Variants in SGCZ observed in about 807,000 individuals in gnomAD.
SGCZ encodes sarcoglycan zeta, also known as zeta-sarcoglycan.
A neutral mutation model predicts 41.3 loss-of-function variants in SGCZ; 40 were observed. The observed-to-expected ratio is 0.97, with a 90% CI of 0.75 to 1.26. The LOEUF (loss-of-function observed/expected upper bound fraction) is 1.26. SGCZ is among the 50% of genes most tolerant of loss of function. The probability of loss-of-function intolerance (pLI) is 0.00; values close to 1 mark genes in which losing one functional copy is unlikely to be tolerated. For synonymous variants in SGCZ, 206 were observed against 137.5 expected, an observed-to-expected ratio of 1.50 and a Z score of -3.49; for missense variants, 552 against 369.8, an observed-to-expected ratio of 1.49 and a Z score of -4.04.
At chr8:14,555,601 C>T (rs1804010866) in intron 1 of SGCZ, among the ~76,000 whole-genome samples, 1 of 151,956 alleles carries the variant, frequency 6.6e-6, no homozygotes, top group Middle Eastern at 3.2e-3. Flanking sequence ...TTGTCAATTA[C>T]CCCGTCTCAA....
At chr8:14,104,720 T>G (rs1466822078) in intron 6 of SGCZ, among the ~76,000 whole-genome samples, 1 of 152,128 alleles carries the variant, frequency 6.6e-6, no homozygotes, top group Non-Finnish European at 1.5e-5. Context: ...GTTTTTTTCC[T>G]TGAATATATT....
chr8:15,102,133 T>C (rs1164362187), intron 1 of SGCZ, among the ~76,000 whole-genome samples: 1 of 152,182 alleles, frequency 6.6e-6, no homozygotes, highest in Non-Finnish European at 1.5e-5. Flanking sequence ...GCTTTATTCA[T>C]AATTGCCAAA....
chr8:15,176,696 C>A (rs536841023), intron 1 of SGCZ, among the ~76,000 whole-genome samples: 2 of 152,110 alleles, frequency 1.3e-5, no homozygotes, highest in Admixed American at 1.3e-4. Flanking sequence ...GATAGTCAAA[C>A]CTTATCAAAA....
intron 2 of SGCZ, among the ~76,000 whole-genome samples, chr8:14,548,425 C>A (rs1306255786): frequency 6.6e-6 from 1 of 152,096 alleles, no homozygotes. Flanking sequence ...AAAATGAATT[C>A]ATTTTATGTT....
intron 1 of SGCZ, among the ~76,000 whole-genome samples, chr8:14,878,198 C>CTT (rs540663370): frequency 7.1e-6 from 1 of 141,812 alleles, no homozygotes; most frequent in Non-Finnish European, 1.5e-5. Context: ...TTCTTTTTTT[C>CTT]TTTTTTTTTT....
At chr8:14,734,657 A>T (rs947051995) in intron 1 of SGCZ, among the ~76,000 whole-genome samples, 1 of 152,154 alleles carries the variant, frequency 6.6e-6, no homozygotes, top group Non-Finnish European at 1.5e-5. Flanking sequence ...GACAATTCCA[A>T]TGTGCTGTGT....
intron 1 of SGCZ, among the ~76,000 whole-genome samples, chr8:15,233,922 A>G (rs1237827013): frequency 6.6e-6 from 1 of 152,172 alleles, no homozygotes; most frequent in Non-Finnish European, 1.5e-5. Flanking sequence ...TGTATTTTAT[A>G]TTTTTGATCT....
At position 14,686,815 on chromosome 8, in the gene SGCZ, G is replaced by C. The variant is rs1376072125; in HGVS notation, c.40-131889C>G. Among the ~76,000 whole-genome samples, 3 of 152,036 alleles carry C rather than the reference G, an allele frequency of 2.0e-5. No homozygotes were observed. The South Asian group carries it at 6.2e-4, about 32-fold the overall frequency. On this transcript the variant is annotated intron_variant, in intron 1 of 7. Transcript: ENST00000382080. ...ATATCAAATTCTGATTGTCCAGGAA[G>C]GGAGAAAGATCAGCTAAAGAGAGTA...
intron 2 of SGCZ, among the ~76,000 whole-genome samples, chr8:14,526,625 C>T (rs1802958507): frequency 6.6e-6 from 1 of 151,986 alleles, no homozygotes; most frequent in African/African-American, 2.4e-5. Flanking sequence ...CATGTTAGTG[C>T]ATTTCTTGAT....
chr8:14,346,571 A>G (rs960321701), intron 2 of SGCZ, among the ~76,000 whole-genome samples: 2 of 152,112 alleles, frequency 1.3e-5, no homozygotes, highest in Non-Finnish European at 2.9e-5. Flanking sequence ...AAAAGTAGGC[A>G]TATGTCAAAT....
chr8:14,668,928 G>A, intron 1 of SGCZ, among the ~76,000 whole-genome samples: 1 of 101,764 alleles, frequency 9.8e-6, no homozygotes, highest in Non-Finnish European at 1.8e-5. Context: ...TTGTGTGTGT[G>A]TGTGTGTATG....
intron 1 of SGCZ, among the ~76,000 whole-genome samples, chr8:15,111,629 T>C (rs1225681350): frequency 1.3e-5 from 2 of 152,098 alleles, no homozygotes; most frequent in Non-Finnish European, 2.9e-5. Context: ...CGGCCGGGTG[T>C]GGTGGTTCAC....
intron 3 of SGCZ, among the ~76,000 whole-genome samples, chr8:14,275,497 TTC>T (rs1392198206): frequency 6.6e-6 from 1 of 152,138 alleles, no homozygotes; most frequent in Non-Finnish European, 1.5e-5. Context: ...CATATTCCCT[TTC>T]TCTGTTTGAT....
At chr8:14,941,039 CTAAA>C (rs2130820272) in intron 1 of SGCZ, among the ~76,000 whole-genome samples, 1 of 151,988 alleles carries the variant, frequency 6.6e-6, no homozygotes, top group African/African-American at 2.4e-5. Flanking sequence ...CAGGAAAATA[CTAAA>C]TAGACAGGCA....
intron 5 of SGCZ, among the ~76,000 whole-genome samples, chr8:14,137,063 C>T (rs867065183): frequency 1.3e-5 from 2 of 152,294 alleles, no homozygotes; most frequent in Middle Eastern, 3.4e-3. Context: ...TAAACTCCAA[C>T]AGACCTGCAG....
intron 2 of SGCZ, among the ~76,000 whole-genome samples, chr8:14,400,848 C>G (rs1290054834): frequency 6.6e-6 from 1 of 152,078 alleles, no homozygotes; most frequent in Admixed American, 6.6e-5. Context: ...AGCATGGCAG[C>G]ACAAGTTAAT....
chr8:14,241,475 A>G (rs1184992947), intron 3 of SGCZ, among the ~76,000 whole-genome samples: 1 of 148,498 alleles, frequency 6.7e-6, no homozygotes, highest in Admixed American at 6.8e-5. Flanking sequence ...TATATCCTAT[A>G]TATAATATAT....
At chr8:15,197,499 CAGAT>C (rs1340826286) in intron 1 of SGCZ, among the ~76,000 whole-genome samples, 1 of 152,122 alleles carries the variant, frequency 6.6e-6, no homozygotes, top group Non-Finnish European at 1.5e-5. Flanking sequence ...GGTATCTTCG[CAGAT>C]AGAATTCTCA....
At chr8:14,362,970 A>C (rs1168954026) in intron 2 of SGCZ, among the ~76,000 whole-genome samples, 1 of 152,198 alleles carries the variant, frequency 6.6e-6, no homozygotes, top group African/African-American at 2.4e-5. Context: ...AGTTTTTAAA[A>C]TGACTTTACA....
Sources: gnomAD v4.1 joint callset for allele counts (sites outside exome capture counted in the v4.1 genomes callset) on GRCh38, gnomAD v4.1.1 for gene constraint, MANE v1.5 for transcripts, NCBI Gene and HGNC (gene_info 2026-07-23, HGNC 2026-07-21) for gene names.